Variants in RBFOX1 observed in about 807,000 individuals in gnomAD.
RBFOX1 encodes the protein RNA binding fox-1 homolog 1.
Under a neutral mutation model 57.7 loss-of-function variants are expected in RBFOX1, and 8 were observed. That is an observed-to-expected ratio of 0.14 (90% confidence interval 0.08 to 0.25). RBFOX1 has a LOEUF of 0.25. Ranked by LOEUF, RBFOX1 falls within the 10% of genes least tolerant of loss-of-function variation. The probability of loss-of-function intolerance (pLI) is 1.00; values close to 1 mark genes in which losing one functional copy is unlikely to be tolerated. For synonymous variants in RBFOX1, 326 were observed against 222.4 expected (o/e 1.47, Z -4.15); for missense variants, 611 against 548.5 (o/e 1.11, Z -1.14).
At chr16:5,652,674 A>T (rs937193197) in intron 3 of RBFOX1, among the ~76,000 whole-genome samples, 1 of 152,182 alleles carries the variant, frequency 6.6e-6, no homozygotes, top group Non-Finnish European at 1.5e-5. Context: ...TGGGTGCAGG[A>T]ACCCAGCTAC....
rs542014908 is a variant in RBFOX1, at chr16:5,370,155, A to G, written c.220-97061A>G. Among the ~76,000 whole-genome samples the G allele has an allele frequency of 1.1e-4, 17 of 152,274 alleles. 1 individual carries two copies. In the East Asian group the frequency reaches 3.1e-3, roughly 28 times the overall value. Reference sequence around the variant, plus strand: ...ATGTTCAGTCTCTTTTTGGAGTTGCAAAGCTCACTCCTGCCCACTCTGGAA... The same window carrying G: ...ATGTTCAGTCTCTTTTTGGAGTTGCGAAGCTCACTCCTGCCCACTCTGGAA... On this transcript the variant is annotated intron_variant, in intron 1 of 2. Transcript: ENST00000585867.
At chr16:5,495,402 T>A (rs1439800759) in intron 2 of RBFOX1, among the ~76,000 whole-genome samples, 4 of 152,210 alleles carry the variant, frequency 2.6e-5, no homozygotes, top group Admixed American at 6.5e-5. Flanking sequence ...ACTTGCTCAC[T>A]GTCATGGTAA....
chr16:7,475,323 T>C (rs2062426827), intron 4 of RBFOX1, among the ~76,000 whole-genome samples: 1 of 150,804 alleles, frequency 6.6e-6, no homozygotes, highest in South Asian at 2.1e-4. Context: ...TTTTTTTTTT[T>C]TTTTCTTTCT....
chr16:6,681,977 T>C (rs571636474), intron 3 of RBFOX1, among the ~76,000 whole-genome samples: 18 of 152,314 alleles, frequency 1.2e-4, no homozygotes, highest in African/African-American at 4.3e-4. Flanking sequence ...GAACCTTTAT[T>C]TCTTCTTCCA....
In RBFOX1 at chr16:6,314,892, C is replaced by T. The variant is rs958940772; in HGVS notation, c.-126-2103C>T. 3.3e-5 allele frequency among the ~76,000 whole-genome samples: 5 copies of T among 152,180 alleles called. No homozygotes were observed. The South Asian group carries it at 8.3e-4, about 25-fold the overall frequency. On this transcript the variant is annotated intron_variant, in intron 1 of 15. Coordinates refer to ENST00000550418, the MANE Select transcript of RBFOX1 (RefSeq NM_018723.4). Reference sequence around the variant, plus strand: ...TTCTATTCTAATTATTCTAACTATTCTTCCCAAATCATGTTCTTCCACTTC... The same window carrying T: ...TTCTATTCTAATTATTCTAACTATTTTTCCCAAATCATGTTCTTCCACTTC...
intron 2 of RBFOX1, among the ~76,000 whole-genome samples, chr16:6,615,268 G>A (rs185037590): frequency 2.0e-5 from 3 of 152,164 alleles, no homozygotes; most frequent in African/African-American, 4.8e-5. Flanking sequence ...ATTCACTGGT[G>A]CTAATAATTC....
intron 3 of RBFOX1, among the ~76,000 whole-genome samples, chr16:5,866,008 C>T (rs1411100127): frequency 6.6e-6 from 1 of 152,122 alleles, no homozygotes; most frequent in African/African-American, 2.4e-5. Flanking sequence ...ATTCTTGTTG[C>T]CCAGGCTGGA....
chr16:6,458,564 C>G (rs906863639), intron 2 of RBFOX1, among the ~76,000 whole-genome samples: 1 of 152,202 alleles, frequency 6.6e-6, no homozygotes, highest in African/African-American at 2.4e-5. Context: ...AACCAGGCAT[C>G]AACCATTGGT....
chr16:6,151,610 T>C lies in RBFOX1; in HGVS notation c.-127+131618T>C, dbSNP rs558997214. On this transcript the variant is annotated intron_variant, in intron 1 of 15. Coordinates refer to ENST00000550418, the MANE Select transcript of RBFOX1 (RefSeq NM_018723.4). ...CTATAATCAGTCTTTTATGTCATTC[T>C]CCATCTTCATGCATTTAATAGATTA... Among the ~76,000 whole-genome samples the C allele has an allele frequency of 3.3e-5, 5 of 152,276 alleles. No individual in the cohort carries two copies. The South Asian group carries it at 1.0e-3, about 32-fold the overall frequency.
chr16:6,840,221 C>T (rs1478140586), intron 3 of RBFOX1, among the ~76,000 whole-genome samples: 2 of 152,136 alleles, frequency 1.3e-5, no homozygotes, highest in East Asian at 1.9e-4. Context: ...AAAAAGAGGT[C>T]TTTCTTTCTT....
At chr16:6,518,841 ATCTATCTG>A (rs774299428) in intron 2 of RBFOX1, among the ~76,000 whole-genome samples, 27,518 of 123,522 alleles carry the variant, frequency 0.22, 2,801 homozygotes, top group Non-Finnish European at 0.25. Flanking sequence ...CTATCTATCT[ATCTATCTG>A]TCTTCCTGCA....
chr16:5,591,077 A>G (rs529878440), intron 2 of RBFOX1, among the ~76,000 whole-genome samples: 18 of 151,906 alleles, frequency 1.2e-4, no homozygotes, highest in South Asian at 2.1e-4. Flanking sequence ...GTTCTTGCCA[A>G]TGTTGTCATG....
intron 1 of RBFOX1, among the ~76,000 whole-genome samples, chr16:5,439,935 C>G (rs779327206): frequency 3.9e-5 from 6 of 152,158 alleles, no homozygotes; most frequent in Non-Finnish European, 8.8e-5. Flanking sequence ...GTGGAGATGT[C>G]AAGCTGGCAG....
intron 3 of RBFOX1, among the ~76,000 whole-genome samples, chr16:6,701,381 C>T (rs1319416282): frequency 1.3e-5 from 2 of 152,178 alleles, no homozygotes; most frequent in Non-Finnish European, 2.9e-5. Context: ...CTTACTGACT[C>T]CACAAAGTGG....
intron 3 of RBFOX1, among the ~76,000 whole-genome samples, chr16:5,639,096 A>G (rs1301598266): frequency 6.6e-6 from 1 of 152,174 alleles, no homozygotes; most frequent in Non-Finnish European, 1.5e-5. Context: ...GATTTCCTAG[A>G]TACCTCTACT....
rs376393627 is a variant in RBFOX1 at position 5,580,174 on chromosome 16, G to A, written c.259-18728G>A. On this transcript the variant is annotated intron_variant, in intron 2 of 2. Transcript: ENST00000585867. ...GTTCCCAGCTGCCTCCCTTGGCCCA[G>A]CGTAGTGATGGTGCCTAGGGGGACC... Among the ~76,000 whole-genome samples, 11 of 152,312 alleles carry A rather than the reference G, an allele frequency of 7.2e-5. No individual in the cohort carries two copies. The East Asian group carries it at 1.5e-3, about 21-fold the overall frequency.
chr16:6,950,317 A>G (rs1313075470), intron 3 of RBFOX1, among the ~76,000 whole-genome samples: 1 of 151,774 alleles, frequency 6.6e-6, no homozygotes, highest in Non-Finnish European at 1.5e-5. Context: ...CCTCATGTAC[A>G]CACCCATTGC....
At chr16:6,908,632 C>G (rs1286386902) in intron 3 of RBFOX1, among the ~76,000 whole-genome samples, 3 of 152,150 alleles carry the variant, frequency 2.0e-5, no homozygotes, top group African/African-American at 4.8e-5. Flanking sequence ...TTAATGAATC[C>G]TATCCTATTT....
chr16:6,558,378 C>G (rs1017435067), intron 2 of RBFOX1, among the ~76,000 whole-genome samples: 2 of 152,140 alleles, frequency 1.3e-5, no homozygotes, highest in African/African-American at 4.8e-5. Context: ...GCAGTCTTCT[C>G]TTTTAGAAAG....
Sources: allele counts gnomAD v4.1 joint callset (sites outside exome capture counted in the v4.1 genomes callset), GRCh38; gene constraint gnomAD v4.1.1; transcripts MANE v1.5; gene names NCBI Gene and HGNC (gene_info 2026-07-23, HGNC 2026-07-21).